SEC31A: variants seen among roughly 807,000 people sequenced by gnomAD.
The protein encoded by SEC31A is protein transport protein Sec31A.
In SEC31A, 70 loss-of-function variants were observed where a neutral mutation model predicts 151.0. The ratio of observed to expected loss-of-function variants is 0.46; its 90% CI spans 0.38 to 0.57. SEC31A has a LOEUF of 0.57. Ranked by LOEUF, SEC31A falls within the 20% of genes least tolerant of loss-of-function variation. The pLI is 0.00. For missense variants in SEC31A, 1,330 were observed against 1,471.2 expected, an observed-to-expected ratio of 0.90 and a Z score of 1.57; for synonymous variants, 475 against 505.9, an observed-to-expected ratio of 0.94 and a Z score of 0.82.
At chr4:82,876,727 T>A (rs549059814) in intron 4 of SEC31A, among the ~76,000 whole-genome samples, 1 of 152,328 alleles carries the variant, frequency 6.6e-6, no homozygotes, top group East Asian at 1.9e-4. Context: ...AACCTGAAAT[T>A]GTAATATAAA....
chr4:82,893,783 T>G (rs1719943981), upstream of SEC31A: 1 of 152,232 alleles, frequency 6.6e-6, no homozygotes, highest in African/African-American at 2.4e-5. Context: ...GAACATTAGC[T>G]CTATAGCATT....
At chr4:82,852,089 T>C (rs1430308045) in intron 18 of SEC31A, among the ~76,000 whole-genome samples, 1 of 152,128 alleles carries the variant, frequency 6.6e-6, no homozygotes, top group South Asian at 2.1e-4. Context: ...GTTTTTCCAG[T>C]GCTGTTCTCT....
At chr4:82,839,068 C>T (rs1047742859) in intron 22 of SEC31A, among the ~76,000 whole-genome samples, 3 of 152,196 alleles carry the variant, frequency 2.0e-5, no homozygotes, top group Non-Finnish European at 2.9e-5. Flanking sequence ...ACCTCTGCTC[C>T]GGAGTTCAAG....
chr4:82,840,133 C>CA (rs1728403218), intron 22 of SEC31A, among the ~76,000 whole-genome samples: 1 of 152,098 alleles, frequency 6.6e-6, no homozygotes, highest in Non-Finnish European at 1.5e-5. Flanking sequence ...CTAAGAAACT[C>CA]AGTTTTTTCA....
chr4:82,891,369 C>G (rs1337148851), upstream of SEC31A: 1 of 617,470 alleles, frequency 1.6e-6, no homozygotes, highest in Non-Finnish European at 2.8e-6. Flanking sequence ...TCATCGCGCC[C>G]CGGCGATCGT....
chr4:82,891,087 C>A lies in SEC31A; in HGVS notation c.-5+1G>T. 1 of 1,535,976 alleles carries A rather than the reference C, an allele frequency of 6.5e-7. No homozygotes were observed. Among genetic ancestry groups the A allele is most frequent in the Non-Finnish European group, 8.7e-7 (1 of 1,146,790 alleles). The stretch of plus-strand genomic sequence containing the variant: ...GGACAAAAAGCAACGGGCGGACGCA[C>A]CTGGCGAGGACCTTCGGCAGCCGGA... On this transcript the variant is annotated splice_donor_variant, in intron 1 of 26. Transcript: ENST00000395310. LOFTEE classifies it low-confidence loss of function (5UTR_SPLICE).
chr4:82,822,967 C>A (rs1462480951), intron 25 of SEC31A, among the ~76,000 whole-genome samples: 1 of 151,946 alleles, frequency 6.6e-6, no homozygotes, highest in Non-Finnish European at 1.5e-5. Flanking sequence ...GAGTGAAACT[C>A]CGTCTCAAAA....
intron 3 of SEC31A, among the ~76,000 whole-genome samples, chr4:82,897,146 C>T (rs1452439906): frequency 6.6e-6 from 1 of 152,150 alleles, no homozygotes; most frequent in African/African-American, 2.4e-5. Context: ...AGCACTGCTT[C>T]TGATATTTGG....
intron 3 of SEC31A, chr4:82,898,048 C>CT: frequency 6.6e-6 from 1 of 152,308 alleles, no homozygotes; most frequent in South Asian, 2.1e-4. Flanking sequence ...CTCAACATCT[C>CT]TGAGAGTACA....
chr4:82,827,248 T>G, intron 24 of SEC31A, 121 bp downstream of exon 24: 1 of 1,158,962 alleles, frequency 8.6e-7, no homozygotes, highest in Admixed American at 2.3e-5. Flanking sequence ...AAGTTACTAT[T>G]TTTTGTTTAG....
At chr4:82,885,008 A>G (rs1371598110) in intron 1 of SEC31A, among the ~76,000 whole-genome samples, 2 of 152,194 alleles carry the variant, frequency 1.3e-5, no homozygotes, top group Admixed American at 1.3e-4. Context: ...TATTTGGTGC[A>G]TATCCATAAT....
intron 21 of SEC31A, among the ~76,000 whole-genome samples, chr4:82,843,512 G>C (rs1219980833): frequency 6.6e-6 from 1 of 152,116 alleles, no homozygotes; most frequent in African/African-American, 2.4e-5. Context: ...CCTCGATAGA[G>C]TGAATCTAGT....
At chr4:82,830,673 T>C (rs1725744763) in intron 22 of SEC31A, among the ~76,000 whole-genome samples, 1 of 152,196 alleles carries the variant, frequency 6.6e-6, no homozygotes, top group African/African-American at 2.4e-5. Context: ...GTCTTACCCG[T>C]AGCTCAAGAC....
At chr4:82,852,249 C>G (rs1249761060) in intron 18 of SEC31A, among the ~76,000 whole-genome samples, 2 of 152,148 alleles carry the variant, frequency 1.3e-5, no homozygotes, top group African/African-American at 4.8e-5. Flanking sequence ...TTCATTAAAC[C>G]TCTTTTTCTT....
chr4:82,898,741 A>G (rs908455464), intron 3 of SEC31A, among the ~76,000 whole-genome samples: 4 of 152,244 alleles, frequency 2.6e-5, no homozygotes, highest in Non-Finnish European at 1.5e-5. Context: ...ATGCACAAAA[A>G]TGTGGAGAAA....
rs748467490 is a variant in SEC31A, at chr4:82,871,464, A to G, written c.782+480T>C. ...AATGGATAACAAAACCAATTTTACC[A>G]TAGACTAACTGATAACTGACATAAA... On this transcript the variant is annotated intron_variant, in intron 7 of 26. Coordinates refer to ENST00000395310, the MANE Select transcript of SEC31A (RefSeq NM_001077207.4). 76 of 1,290,930 alleles carry G rather than the reference A, an allele frequency of 5.9e-5. 2 individuals carry two copies. The East Asian group carries it at 1.7e-3, about 29-fold the overall frequency. 80.0% of individuals were successfully genotyped at this position (1,290,930 alleles called of 1,614,324 possible). A position where few individuals can be genotyped will look rare whatever the true frequency, so the allele number is the denominator to read the frequency against.
chr4:82,893,537 T>G (rs571460280), upstream of SEC31A: 107 of 152,380 alleles, frequency 7.0e-4, no homozygotes, highest in African/African-American at 2.5e-3. Context: ...GTAGCATCCA[T>G]TTCATTGTTT....
chr4:82,827,246 A>AT, intron 24 of SEC31A, 123 bp downstream of exon 24: 2 of 1,130,504 alleles, frequency 1.8e-6, no homozygotes, highest in South Asian at 1.5e-5. Flanking sequence ...AAAAGTTACT[A>AT]TTTTTTGTTT....
intron 19 of SEC31A, 96 bp from the exon 20 acceptor site, chr4:82,849,073 C>A: frequency 8.9e-7 from 1 of 1,126,792 alleles, no homozygotes; most frequent in South Asian, 1.5e-5. Flanking sequence ...TCAAGATATC[C>A]CTTTTTGTTC....
Sources: allele counts gnomAD v4.1 joint callset (sites outside exome capture counted in the v4.1 genomes callset), GRCh38; gene constraint gnomAD v4.1.1; transcripts MANE v1.5; gene names NCBI Gene and HGNC (gene_info 2026-07-23, HGNC 2026-07-21).